HAUS7: variants seen among roughly 807,000 people sequenced by gnomAD.
HAUS7 encodes HAUS augmin-like complex subunit 7.
A neutral mutation model predicts 28.4 loss-of-function variants in HAUS7; 3 were observed. That is an observed-to-expected ratio of 0.11 (90% confidence interval 0.05 to 0.27). The LOEUF is 0.27. Ranked by LOEUF, HAUS7 falls within the 10% of genes least tolerant of loss-of-function variation. HAUS7 has a pLI of 1.00. For missense variants in HAUS7, 284 were observed against 297.3 expected (o/e 0.96, Z 0.33); for synonymous variants, 165 against 132.1 (o/e 1.25, Z -1.71).
chrX:153,455,679 A>G lies in HAUS7; in HGVS notation c.793T>C (p.Phe265Leu). ...AGAAAAGCCAAGATTAGCTGGTGGA[A>G]GTCGGAAGTGACCAGACGCAGCTTC... ...DQKLRLVTSD[F>L]HQLILAFLQV... The change falls in exon 8 of 10, where the codon TTC becomes CTC. Residue 265 changes from phenylalanine to leucine, a missense_variant. Phe to Leu is a conservative substitution (Grantham distance 22). Transcript: ENST00000370211. 1 of 1,205,160 alleles carries G rather than the reference A, an allele frequency of 8.3e-7. No individual in the cohort carries two copies. Among genetic ancestry groups the G allele is most frequent in the East Asian group, 3.0e-5 (1 of 33,795 alleles).
Position 153,470,486 on chromosome X carries a change from C to A in HAUS7, c.72G>T (p.Val24=). ...DYSEDEGDSS[V]SRAAVEVFGK... is the part of the protein sequence containing the mutation. ...CGAACACCTCCACAGCCGCCCTGGA[C>A]ACGCTGCTGTCGCCCTCGTCCTCTG... Residue 24 remains valine, a synonymous_variant, in exon 1 of 10, where the codon GTG becomes GTT. Coordinates refer to ENST00000370211, the MANE Select transcript of HAUS7 (RefSeq NM_001385482.1). 1 of 1,207,977 alleles carries A rather than the reference C, an allele frequency of 8.3e-7. No homozygotes were observed. Among genetic ancestry groups the A allele is most frequent in the Non-Finnish European group, 1.1e-6 (1 of 893,446 alleles).
At chrX:153,484,984 C>A (rs2089626851) in intron 1 of HAUS7, among the ~76,000 whole-genome samples, 1 of 112,964 alleles carries the variant, frequency 8.9e-6, no homozygotes, top group African/African-American at 3.2e-5. Flanking sequence ...TGCTCCCTCT[C>A]TCCATGTTCT....
rs1298036256 is a variant in HAUS7, at chrX:153,484,990, G to T, written c.-589+10384C>A. ...AGCCTTCCCTGCTCCCTCTCTCCAT[G>T]TTCTTACCCATTCCAGAAGCCTCAC... On this transcript the variant is annotated intron_variant, in intron 1 of 5. Coordinates refer to the HAUS7 transcript ENST00000370210. 2.7e-5 allele frequency among the ~76,000 whole-genome samples: 3 copies of T among 112,839 alleles called. No homozygotes were observed. In the South Asian group the frequency reaches 1.1e-3, roughly 41 times the overall value.
chrX:153,479,533 G>A (rs782259704), intron 1 of HAUS7: 10 of 285,577 alleles, frequency 3.5e-5, no homozygotes, highest in Non-Finnish European at 4.3e-5. Flanking sequence ...CTCTAGGGGC[G>A]AGGGAGGGAA....
intron 4 of HAUS7, among the ~76,000 whole-genome samples, chrX:153,460,995 T>G (rs782711596): frequency 8.9e-5 from 10 of 112,287 alleles, no homozygotes; most frequent in Non-Finnish European, 1.9e-4. Flanking sequence ...GGATCTGATC[T>G]TGGTGAGCCC....
chrX:153,461,391 T>C lies in HAUS7; in HGVS notation c.354+1219A>G, dbSNP rs781925572. ...CCCCGTGTGCAGGGTGTCGTGTCCA[T>C]GGCGGGAGAGGCTGTGTATGTGTGG... On this transcript the variant is annotated intron_variant, in intron 4 of 9. Transcript: ENST00000370211. Among the ~76,000 whole-genome samples the C allele has an allele frequency of 3.6e-5, 4 of 110,327 alleles. No homozygotes were observed. The South Asian group carries it at 1.6e-3, about 43-fold the overall frequency.
At chrX:153,485,668 C>A in intron 1 of HAUS7, 2 of 481,325 alleles carry the variant, frequency 4.2e-6, no homozygotes, top group Non-Finnish European at 5.3e-6. Context: ...CGGAGTGAAT[C>A]CCCACGCTCG....
intron 4 of HAUS7, among the ~76,000 whole-genome samples, chrX:153,458,046 CT>C (rs1409396153): frequency 1.8e-5 from 2 of 113,598 alleles, no homozygotes; most frequent in East Asian, 5.5e-4. Flanking sequence ...CACACAAATG[CT>C]CCTTGGCGGG....
chrX:153,482,251 AG>A lies in HAUS7; in HGVS notation c.-588-11107del, dbSNP rs111767146. The A allele has an allele frequency of 6.1e-3, 4,427 of 726,620 alleles. 150 individuals carry two copies. The African/African-American group carries it at 0.094, about 15-fold the overall frequency. The allele number at this position is 726,620 out of a possible 1,213,427, so 59.9% of individuals were successfully genotyped here. On this transcript the variant is annotated intron_variant, in intron 1 of 5. Coordinates refer to the HAUS7 transcript ENST00000370210. ...GTGCCCTTGGTCAGGATGGGCCCAA[AG>A]CCATGCCCAGGAAGGCCTGTGCCCC...
intron 1 of HAUS7, among the ~76,000 whole-genome samples, chrX:153,481,175 C>T (rs782162489): frequency 1.8e-5 from 2 of 112,921 alleles, no homozygotes; most frequent in Admixed American, 9.2e-5. Context: ...CACGTCCCCT[C>T]CCCAGCCTCA....
rs574379801 is a variant in HAUS7 at position 153,476,469 on chromosome X, G to A, written c.-588-5324C>T. On this transcript the variant is annotated intron_variant, in intron 1 of 5. Transcript: ENST00000370210. ...GTAGAGGGTATGTGTGTGCATGAGT[G>A]TGTGAAGAGTGGGCTACATGGAAGG... Among the ~76,000 whole-genome samples the A allele has an allele frequency of 3.0e-4, 34 of 112,122 alleles. No homozygotes were observed. The South Asian group carries it at 0.012, about 40-fold the overall frequency.
intron 7 of HAUS7, 140 bp downstream of exon 7, chrX:153,456,125 C>T (rs1207287738): frequency 8.0e-6 from 4 of 501,193 alleles, no homozygotes; most frequent in Non-Finnish European, 1.0e-5. Context: ...CTCACCTCCC[C>T]GCGGACTGAG....
At chrX:153,481,672 C>A in intron 1 of HAUS7, 1 of 754,367 alleles carries the variant, frequency 1.3e-6, no homozygotes, top group Non-Finnish European at 1.6e-6. Context: ...TCGCCCCACA[C>A]CCACCCCTGC....
intron 3 of HAUS7, among the ~76,000 whole-genome samples, chrX:153,463,353 T>A (rs1255523990): frequency 3.6e-5 from 4 of 111,849 alleles, no homozygotes; most frequent in Non-Finnish European, 7.5e-5. Context: ...ACTGCATGCC[T>A]AGGCAAGCCT....
At chrX:153,464,050 C>T (rs2089426886) in intron 3 of HAUS7, among the ~76,000 whole-genome samples, 1 of 112,801 alleles carries the variant, frequency 8.9e-6, no homozygotes, top group African/African-American at 3.2e-5. Flanking sequence ...CTTAACCATT[C>T]GTCGGATGAA....
chrX:153,478,090 C>G (rs1556986585), intron 1 of HAUS7, among the ~76,000 whole-genome samples: 1 of 112,733 alleles, frequency 8.9e-6, no homozygotes, highest in Non-Finnish European at 1.9e-5. Flanking sequence ...TTCTTAAGAT[C>G]GCTTCCAAAC....
At chrX:153,478,486 G>A (rs1556986699) in intron 1 of HAUS7, among the ~76,000 whole-genome samples, 1 of 113,057 alleles carries the variant, frequency 8.8e-6, no homozygotes, top group Non-Finnish European at 1.9e-5. Flanking sequence ...AGAGATCCCA[G>A]ACTGTTGGCC....
upstream of HAUS7, among the ~76,000 whole-genome samples, chrX:153,474,806 C>T (rs1184018263): frequency 1.9e-5 from 2 of 107,756 alleles, no homozygotes; most frequent in African/African-American, 6.7e-5. Flanking sequence ...CGGGCGGGGG[C>T]GAGCGCTGCT....
At chrX:153,473,858 T>C (rs1464720661), upstream of HAUS7, among the ~76,000 whole-genome samples, 2 of 110,973 alleles carry the variant, frequency 1.8e-5, no homozygotes, top group African/African-American at 6.6e-5. Context: ...ACCTCTCTGC[T>C]GCTAAGCTGC....
Sources: gnomAD v4.1 joint callset for allele counts (sites outside exome capture counted in the v4.1 genomes callset) on GRCh38, gnomAD v4.1.1 for gene constraint, MANE v1.5 for transcripts, NCBI Gene and HGNC (gene_info 2026-07-23, HGNC 2026-07-21) for gene names.